Variants in AFF1 observed in about 807,000 individuals in gnomAD.
AFF1 encodes the protein ALF transcription elongation factor 1.
A neutral mutation model predicts 121.7 loss-of-function variants in AFF1; 48 were observed. The observed-to-expected ratio is 0.39, with a 90% confidence interval of 0.31 to 0.50. AFF1 has a LOEUF of 0.50. Among genes scored for constraint, AFF1 ranks in the 20% least tolerant of loss-of-function variants. The pLI, the probability that AFF1 is intolerant of heterozygous loss-of-function variation, is 0.76. For synonymous variants in AFF1, 613 were observed against 563.0 expected (o/e 1.09, Z -1.26); for missense variants, 1,523 against 1,511.7 (o/e 1.01, Z -0.12).
intron 19 of AFF1, among the ~76,000 whole-genome samples, chr4:87,133,738 G>C (rs757279126): frequency 6.6e-6 from 1 of 152,152 alleles, no homozygotes; most frequent in African/African-American, 2.4e-5. Context: ...ACATCATGAG[G>C]CTACTGCCGC....
intron 12 of AFF1, among the ~76,000 whole-genome samples, chr4:87,118,896 G>T (rs1469923596): frequency 6.6e-6 from 1 of 152,208 alleles, no homozygotes; most frequent in Non-Finnish European, 1.5e-5. Context: ...GCTGAAGCAA[G>T]AGGCTCAGGA....
chr4:87,136,327 C>A lies in AFF1; in HGVS notation c.*626C>A. 4.3e-6 allele frequency: 1 copy of A among 232,426 alleles called. No individual in the cohort carries two copies. The highest frequency in any genetic ancestry group is 6.1e-5 in the East Asian group (1 of 16,484). 14.4% of individuals were successfully genotyped at this position (232,426 alleles called of 1,614,324 possible). A position where few individuals can be genotyped will look rare whatever the true frequency, so the allele number is the denominator to read the frequency against. On this transcript the variant is annotated 3_prime_UTR_variant, in exon 21 of 21. Transcript: ENST00000395146. ...TAATTTATAAAATTGAAGGCAACCCCCGCTCCTGCCGCCCCCAATCTCCCC... is the reference window on the plus strand; with the variant it reads ...TAATTTATAAAATTGAAGGCAACCCACGCTCCTGCCGCCCCCAATCTCCCC...
At chr4:87,032,888 CCT>C (rs1729207326) in intron 2 of AFF1, among the ~76,000 whole-genome samples, 1 of 152,086 alleles carries the variant, frequency 6.6e-6, no homozygotes, top group Non-Finnish European at 1.5e-5. Context: ...GGGGCTCACA[CCT>C]GTAGTTCCAG....
intron 2 of AFF1, among the ~76,000 whole-genome samples, chr4:87,022,590 A>ATATATATATC (rs1728081605): frequency 1.1e-5 from 1 of 90,538 alleles, no homozygotes; most frequent in Non-Finnish European, 2.0e-5. Flanking sequence ...ATATCTATCT[A>ATATATATATC]TATCTATCTG....
At chr4:86,948,057 G>T (rs1276730455) in intron 1 of AFF1, among the ~76,000 whole-genome samples, 1 of 150,406 alleles carries the variant, frequency 6.6e-6, no homozygotes, top group Non-Finnish European at 1.5e-5. Context: ...TTTCTTGGTT[G>T]TTTTTTTTTG....
chr4:87,054,540 A>G (rs912079055), intron 4 of AFF1, among the ~76,000 whole-genome samples: 5 of 152,310 alleles, frequency 3.3e-5, no homozygotes, highest in African/African-American at 4.8e-5. Flanking sequence ...ATGTTTTATT[A>G]TGGTAACTCT....
chr4:87,093,279 C>A (rs957734411), intron 7 of AFF1, among the ~76,000 whole-genome samples: 1 of 152,124 alleles, frequency 6.6e-6, no homozygotes, highest in African/African-American at 2.4e-5. Context: ...ATGCTGCTGT[C>A]ACTTTATTCT....
chr4:87,117,939 T>C (rs3775211), intron 12 of AFF1, among the ~76,000 whole-genome samples: 28,677 of 152,134 alleles, frequency 0.19, 3,165 homozygotes, highest in East Asian at 0.39. Context: ...GGCAGCAGTG[T>C]GTGGGCCTGC....
intron 2 of AFF1, among the ~76,000 whole-genome samples, chr4:87,045,134 G>C (rs1415712750): frequency 6.6e-6 from 1 of 152,136 alleles, no homozygotes; most frequent in Non-Finnish European, 1.5e-5. Context: ...GGCCAGGAAA[G>C]GGGGTGGGGA....
At chr4:87,014,117 C>T (rs1168858838) in intron 2 of AFF1, among the ~76,000 whole-genome samples, 4 of 151,546 alleles carry the variant, frequency 2.6e-5, no homozygotes, top group South Asian at 2.1e-4. Flanking sequence ...TATCCAAATG[C>T]GTCTGTGTTA....
intron 8 of AFF1, among the ~76,000 whole-genome samples, chr4:87,097,048 T>C (rs1038110254): frequency 6.6e-6 from 1 of 152,182 alleles, no homozygotes; most frequent in Non-Finnish European, 1.5e-5. Context: ...GGACCACAAC[T>C]GTAAGAATTC....
intron 2 of AFF1, among the ~76,000 whole-genome samples, chr4:87,000,820 T>C (rs1553915182): frequency 6.6e-6 from 1 of 152,076 alleles, no homozygotes; most frequent in Non-Finnish European, 1.5e-5. Flanking sequence ...GAAAAAAACA[T>C]TGAGTGAAGA....
In AFF1 at chr4:87,105,603, T is replaced by A. The variant is rs538361403; in HGVS notation, c.1284-25T>A. The stretch of plus-strand genomic sequence containing the variant: ...GTTAGAAATCATTTCACATTCATTC[T>A]TCTCTGTGTCCCTGCCCATTCCAGC... On this transcript the variant is annotated intron_variant, in intron 8 of 20. Transcript: ENST00000395146. 3.8e-5 allele frequency: 62 copies of A among 1,614,052 alleles called. No homozygotes were observed. The Admixed American group carries it at 9.8e-4, about 26-fold the overall frequency.
At chr4:86,980,942 G>T (rs1723688745) in intron 2 of AFF1, among the ~76,000 whole-genome samples, 1 of 130,066 alleles carries the variant, frequency 7.7e-6, no homozygotes. Context: ...TGCGAGGCTT[G>T]AGGCACCCCC....
intron 2 of AFF1, among the ~76,000 whole-genome samples, chr4:87,022,577 T>TACACAC (rs1560547244): frequency 1.9e-4 from 17 of 88,552 alleles, no homozygotes; most frequent in African/African-American, 8.5e-4. Flanking sequence ...TATATATATA[T>TACACAC]ATATATCTAT....
intron 4 of AFF1, among the ~76,000 whole-genome samples, chr4:87,075,153 T>C (rs1350628512): frequency 6.6e-6 from 1 of 152,216 alleles, no homozygotes; most frequent in Non-Finnish European, 1.5e-5. Flanking sequence ...TTCATATTAA[T>C]CTTTAAAGAA....
chr4:87,106,987 G>A (rs1725971941), intron 10 of AFF1, among the ~76,000 whole-genome samples: 1 of 152,128 alleles, frequency 6.6e-6, no homozygotes, highest in Non-Finnish European at 1.5e-5. Context: ...TAAAAGTGGA[G>A]GAAAAGGAAA....
chr4:87,029,963 T>G (rs1728906348), intron 2 of AFF1, among the ~76,000 whole-genome samples: 6 of 152,186 alleles, frequency 3.9e-5, no homozygotes, highest in Non-Finnish European at 1.5e-5. Flanking sequence ...TCTTTTGGAA[T>G]AAGGGGGAAA....
chr4:86,945,928 A>G (rs1720827434), intron 1 of AFF1, among the ~76,000 whole-genome samples: 1 of 152,320 alleles, frequency 6.6e-6, no homozygotes, highest in East Asian at 1.9e-4. Flanking sequence ...GGTATATGCT[A>G]TTCCAAACTT....
Sources: allele counts gnomAD v4.1 joint callset (sites outside exome capture counted in the v4.1 genomes callset), GRCh38; gene constraint gnomAD v4.1.1; transcripts MANE v1.5; gene names NCBI Gene and HGNC (gene_info 2026-07-23, HGNC 2026-07-21).